LRRC7: variants seen among roughly 807,000 people sequenced by gnomAD.
The protein encoded by LRRC7 is leucine-rich repeat-containing protein 7.
LRRC7 carries 23 observed loss-of-function variants against 175.7 expected under a neutral mutation model. The ratio of observed to expected loss-of-function variants is 0.13; its 90% CI spans 0.09 to 0.19. The LOEUF (loss-of-function observed/expected upper bound fraction) is 0.19. Among genes scored for constraint, LRRC7 ranks in the 10% least tolerant of loss-of-function variants. The pLI is 1.00. For missense variants in LRRC7, 1,354 were observed against 1,904.7 expected, an observed-to-expected ratio of 0.71 and a Z score of 5.38; for synonymous variants, 685 against 680.9, an observed-to-expected ratio of 1.01 and a Z score of -0.09.
chr1:70,105,423 A>T (rs1397201078), intron 25 of LRRC7, among the ~76,000 whole-genome samples: 2 of 152,202 alleles, frequency 1.3e-5, no homozygotes, highest in Admixed American at 6.5e-5. Flanking sequence ...AATAAAAAAA[A>T]ATCTGATGTC....
At chr1:69,877,320 G>A (rs958780247) in intron 7 of LRRC7, among the ~76,000 whole-genome samples, 1 of 152,112 alleles carries the variant, frequency 6.6e-6, no homozygotes, top group East Asian at 1.9e-4. Context: ...AAGTGTAGTG[G>A]TGTACACCTA....
At chr1:69,944,351 C>T (rs1476765514) in intron 8 of LRRC7, among the ~76,000 whole-genome samples, 2 of 152,080 alleles carry the variant, frequency 1.3e-5, no homozygotes, top group African/African-American at 2.4e-5. Context: ...ATATATGCTA[C>T]TCATCAGTTG....
At chr1:69,777,819 C>T (rs967777161) in intron 3 of LRRC7, among the ~76,000 whole-genome samples, 1 of 152,224 alleles carries the variant, frequency 6.6e-6, no homozygotes, top group East Asian at 1.9e-4. Context: ...GGAATAGTCT[C>T]CTTGCTGTTA....
At chr1:70,080,767 A>C (rs1039848174) in intron 24 of LRRC7, among the ~76,000 whole-genome samples, 1 of 152,230 alleles carries the variant, frequency 6.6e-6, no homozygotes, top group African/African-American at 2.4e-5. Context: ...ATTTTAGTGC[A>C]TAAACCGTTT....
intron 26 of LRRC7, among the ~76,000 whole-genome samples, chr1:70,113,208 T>G (rs1403774607): frequency 2.0e-5 from 3 of 152,170 alleles, no homozygotes. Flanking sequence ...TGAATGGAAA[T>G]TTGATGGCTC....
At chr1:69,898,492 C>G (rs1206396550) in intron 7 of LRRC7, among the ~76,000 whole-genome samples, 2 of 152,212 alleles carry the variant, frequency 1.3e-5, no homozygotes, top group African/African-American at 2.4e-5. Context: ...GATAGCAAGA[C>G]AAGTTAAACT....
intron 25 of LRRC7, among the ~76,000 whole-genome samples, chr1:70,098,494 G>A (rs901659230): frequency 1.4e-4 from 21 of 147,680 alleles, no homozygotes; most frequent in Non-Finnish European, 2.2e-4. Flanking sequence ...AGGAAATAGA[G>A]ACACAAAAAA....
intron 3 of LRRC7, among the ~76,000 whole-genome samples, chr1:69,777,533 C>T (rs1672947517): frequency 6.6e-6 from 1 of 152,166 alleles, no homozygotes; most frequent in Non-Finnish European, 1.5e-5. Context: ...TCTCAGTCTT[C>T]AAACTTGTAC....
chr1:69,875,147 C>T (rs1685930000), intron 7 of LRRC7: 1 of 152,034 alleles, frequency 6.6e-6, no homozygotes, highest in Non-Finnish European at 1.5e-5. Context: ...TTGCTTAAAA[C>T]ATTCTATGTG....
At chr1:69,754,333 A>T (rs1364994917) in intron 2 of LRRC7, among the ~76,000 whole-genome samples, 1 of 152,078 alleles carries the variant, frequency 6.6e-6, no homozygotes, top group Non-Finnish European at 1.5e-5. Context: ...GTCAATAGGC[A>T]GTTGCGATGA....
intron 7 of LRRC7, among the ~76,000 whole-genome samples, chr1:69,892,763 G>A (rs1645874388): frequency 6.6e-6 from 1 of 152,110 alleles, no homozygotes. Flanking sequence ...AGAAAATTGA[G>A]TCTCAGAGAA....
At chr1:69,977,614 G>C (rs1233566260) in intron 8 of LRRC7, among the ~76,000 whole-genome samples, 1 of 152,072 alleles carries the variant, frequency 6.6e-6, no homozygotes, top group African/African-American at 2.4e-5. Flanking sequence ...AGGCTTCCTT[G>C]TGCTAAGGGT....
intron 7 of LRRC7, chr1:69,920,016 G>C: frequency 4.3e-6 from 2 of 461,852 alleles, no homozygotes. Context: ...CCCACTCCCT[G>C]TCAGTCCCCA....
At chr1:70,066,346 C>T (rs1175087675) in intron 23 of LRRC7, among the ~76,000 whole-genome samples, 1 of 151,978 alleles carries the variant, frequency 6.6e-6, no homozygotes, top group African/African-American at 2.4e-5. Context: ...GAATAAAACT[C>T]AGGTTCATTT....
chr1:69,750,655 A>C (rs1486447231), intron 2 of LRRC7, among the ~76,000 whole-genome samples: 2 of 152,198 alleles, frequency 1.3e-5, no homozygotes, highest in Non-Finnish European at 2.9e-5. Flanking sequence ...CAGCAAGTTC[A>C]GAGTCTGTTG....
intron 2 of LRRC7, among the ~76,000 whole-genome samples, chr1:69,738,517 T>C (rs1668366151): frequency 6.6e-6 from 1 of 152,082 alleles, no homozygotes; most frequent in African/African-American, 2.4e-5. Flanking sequence ...TGAAACTCTT[T>C]AAAATAAAAA....
chr1:70,083,959 T>G (rs1027843862), intron 24 of LRRC7, among the ~76,000 whole-genome samples: 1 of 152,166 alleles, frequency 6.6e-6, no homozygotes, highest in Non-Finnish European at 1.5e-5. Flanking sequence ...TTGTCTATTC[T>G]CCACTACTAA....
intron 7 of LRRC7, among the ~76,000 whole-genome samples, chr1:69,878,414 A>T (rs1686244539): frequency 6.6e-6 from 1 of 152,172 alleles, no homozygotes; most frequent in South Asian, 2.1e-4. Context: ...GGACATTTTG[A>T]TAGTCACACT....
chr1:69,747,397 T>A (rs2180422), intron 2 of LRRC7, among the ~76,000 whole-genome samples: 5,096 of 152,252 alleles, frequency 0.033, 102 homozygotes, highest in African/African-American at 0.055. Flanking sequence ...GAGACTGATG[T>A]CATGCCAGAG....
Sources: allele counts gnomAD v4.1 joint callset (sites outside exome capture counted in the v4.1 genomes callset), GRCh38; gene constraint gnomAD v4.1.1; transcripts MANE v1.5; gene names NCBI Gene and HGNC (gene_info 2026-07-23, HGNC 2026-07-21).